Variants in SGCZ observed in about 807,000 individuals in gnomAD.
The protein encoded by SGCZ is sarcoglycan zeta, also known as zeta-sarcoglycan.
Under a neutral mutation model 41.3 loss-of-function variants are expected in SGCZ, and 40 were observed. The ratio of observed to expected loss-of-function variants is 0.97; its 90% confidence interval spans 0.75 to 1.26. The LOEUF (loss-of-function observed/expected upper bound fraction) is 1.26, where lower values mean the gene tolerates loss of function less well. SGCZ is among the 50% of genes most tolerant of loss of function. The pLI is 0.00. For missense variants in SGCZ, 552 were observed against 369.8 expected, an observed-to-expected ratio of 1.49 and a Z score of -4.04; for synonymous variants, 206 against 137.5, an observed-to-expected ratio of 1.50 and a Z score of -3.49.
intron 1 of SGCZ, among the ~76,000 whole-genome samples, chr8:14,672,277 T>A (rs1458085603): frequency 6.6e-6 from 1 of 152,182 alleles, no homozygotes; most frequent in Non-Finnish European, 1.5e-5. Context: ...AAAATAGTAA[T>A]CTGCCATTTG....
chr8:15,131,389 G>A lies in SGCZ; in HGVS notation c.39+106196C>T, dbSNP rs113546686. On this transcript the variant is annotated intron_variant, in intron 1 of 7. Transcript: ENST00000382080. ...GTGAGACATGCCTTTCACTTTCTAC[G>A]ATGATTGTGAAGCCCTGCCAGCCAC... Among the ~76,000 whole-genome samples, 698 of 152,184 alleles carry A rather than the reference G, an allele frequency of 4.6e-3. 4 individuals are homozygous for A. Among genetic ancestry groups the A allele is most frequent in the African/African-American group, 0.016 (646 of 41,496 alleles).
chr8:14,999,445 G>A (rs1354765286), intron 1 of SGCZ, among the ~76,000 whole-genome samples: 1 of 152,102 alleles, frequency 6.6e-6, no homozygotes, highest in Non-Finnish European at 1.5e-5. Flanking sequence ...AGGAGGAAGA[G>A]GAGGAAAAAG....
chr8:14,397,696 A>G (rs1016729710), intron 2 of SGCZ, among the ~76,000 whole-genome samples: 4 of 152,222 alleles, frequency 2.6e-5, no homozygotes, highest in Non-Finnish European at 5.9e-5. Flanking sequence ...TTCAATATGA[A>G]GGGCAGGTGA....
intron 1 of SGCZ, among the ~76,000 whole-genome samples, chr8:15,209,938 T>A (rs13269588): frequency 6.6e-6 from 1 of 151,988 alleles, no homozygotes; most frequent in Non-Finnish European, 1.5e-5. Flanking sequence ...AATTATATTT[T>A]AGGAGATGGC....
At chr8:14,730,567 G>C (rs1810205060) in intron 1 of SGCZ, among the ~76,000 whole-genome samples, 1 of 148,650 alleles carries the variant, frequency 6.7e-6, no homozygotes, top group Non-Finnish European at 1.5e-5. Context: ...AACCCTAAAA[G>C]AATCCTAAGT....
At chr8:15,015,398 G>A (rs932116750) in intron 1 of SGCZ, among the ~76,000 whole-genome samples, 1 of 151,896 alleles carries the variant, frequency 6.6e-6, no homozygotes, top group Non-Finnish European at 1.5e-5. Context: ...TATACTTTTT[G>A]TTACTTGAAA....
chr8:14,460,314 T>G (rs1244393314), intron 2 of SGCZ, among the ~76,000 whole-genome samples: 1 of 152,190 alleles, frequency 6.6e-6, no homozygotes, highest in African/African-American at 2.4e-5. Flanking sequence ...TCATCCATGA[T>G]TGAAAACTCA....
chr8:14,225,604 G>C (rs1266560466), intron 4 of SGCZ, among the ~76,000 whole-genome samples: 1 of 152,050 alleles, frequency 6.6e-6, no homozygotes, highest in African/African-American at 2.4e-5. Flanking sequence ...AAGTCAGAGG[G>C]ATAGATTTGG....
In SGCZ at chr8:14,999,851, A is replaced by G. The variant is rs188939214; in HGVS notation, c.39+237734T>C. 2.0e-5 allele frequency among the ~76,000 whole-genome samples: 3 copies of G among 152,336 alleles called. No homozygotes were observed. The East Asian group carries it at 5.8e-4, about 29-fold the overall frequency. ...AGCAAAAAGTTAAAATCAGATGGTT[A>G]GCAGGATGAGCATCCTGTTTTAGGA... On this transcript the variant is annotated intron_variant, in intron 1 of 7. Transcript: ENST00000382080.
chr8:15,185,561 G>C (rs751912371), intron 1 of SGCZ, among the ~76,000 whole-genome samples: 2 of 152,030 alleles, frequency 1.3e-5, no homozygotes, highest in Non-Finnish European at 2.9e-5. Flanking sequence ...TATCTGTCTA[G>C]TCATGCATGA....
intron 4 of SGCZ, among the ~76,000 whole-genome samples, chr8:14,197,330 C>G (rs1442635481): frequency 6.6e-6 from 1 of 152,004 alleles, no homozygotes; most frequent in African/African-American, 2.4e-5. Flanking sequence ...AATTACACAG[C>G]TACAACAAGA....
intron 1 of SGCZ, among the ~76,000 whole-genome samples, chr8:14,695,087 C>A (rs935100964): frequency 9.9e-5 from 15 of 151,702 alleles, no homozygotes; most frequent in African/African-American, 3.1e-4. Context: ...TGACTAATGT[C>A]CAAAGAAAAT....
At chr8:14,344,430 C>T (rs1337074400) in intron 2 of SGCZ, among the ~76,000 whole-genome samples, 1 of 151,642 alleles carries the variant, frequency 6.6e-6, no homozygotes, top group Non-Finnish European at 1.5e-5. Flanking sequence ...GAAAAAAATA[C>T]ATTAACTATA....
chr8:14,100,437 G>A (rs1801979261), intron 7 of SGCZ, among the ~76,000 whole-genome samples: 1 of 150,264 alleles, frequency 6.7e-6, no homozygotes, highest in African/African-American at 2.4e-5. Flanking sequence ...AGATGTTTAA[G>A]AAAGACTTCC....
intron 1 of SGCZ, among the ~76,000 whole-genome samples, chr8:14,930,648 A>G (rs1799898309): frequency 6.6e-6 from 1 of 152,044 alleles, no homozygotes; most frequent in African/African-American, 2.4e-5. Context: ...ATGGAATACT[A>G]TGCAGCCATA....
At chr8:14,342,674 G>A (rs1368136048) in intron 2 of SGCZ, among the ~76,000 whole-genome samples, 2 of 152,136 alleles carry the variant, frequency 1.3e-5, no homozygotes, top group Non-Finnish European at 2.9e-5. Flanking sequence ...GCTATTAAAG[G>A]CATTCAGTTT....
chr8:14,757,077 C>T (rs1238837334), intron 1 of SGCZ, among the ~76,000 whole-genome samples: 1 of 152,130 alleles, frequency 6.6e-6, no homozygotes, highest in Admixed American at 6.5e-5. Flanking sequence ...GAGACAAACT[C>T]TTGGTCTGTC....
Sources: allele counts gnomAD v4.1 joint callset (sites outside exome capture counted in the v4.1 genomes callset), GRCh38; gene constraint gnomAD v4.1.1; transcripts MANE v1.5; gene names NCBI Gene and HGNC (gene_info 2026-07-23, HGNC 2026-07-21).